MAGI3: variants seen among roughly 807,000 people sequenced by gnomAD.
The protein encoded by MAGI3 is membrane-associated guanylate kinase, WW and PDZ domain-containing protein 3.
In MAGI3, 43 loss-of-function variants were observed where a neutral mutation model predicts 121.8. That is an observed-to-expected ratio of 0.35 (90% CI 0.28 to 0.46). The LOEUF (loss-of-function observed/expected upper bound fraction) is 0.46, where lower values mean the gene tolerates loss of function less well. Ranked by LOEUF, MAGI3 falls within the 20% of genes least tolerant of loss-of-function variation. MAGI3 has a pLI of 1.00. For missense variants in MAGI3, 1,547 were observed against 1,797.3 expected, an observed-to-expected ratio of 0.86 and a Z score of 2.52; for synonymous variants, 553 against 639.3, an observed-to-expected ratio of 0.86 and a Z score of 2.04.
intron 1 of MAGI3, among the ~76,000 whole-genome samples, chr1:113,536,603 A>T (rs1659014718): frequency 6.6e-6 from 1 of 151,826 alleles, no homozygotes; most frequent in Non-Finnish European, 1.5e-5. Context: ...TAATTACTAA[A>T]TCTTCTTACT....
chr1:113,677,652 T>C (rs1176957277), intron 19 of MAGI3, among the ~76,000 whole-genome samples: 1 of 152,228 alleles, frequency 6.6e-6, no homozygotes, highest in Non-Finnish European at 1.5e-5. Context: ...CAAGACTGCC[T>C]ATAAAAAAAT....
At chr1:113,557,382 G>A (rs1406432728) in intron 2 of MAGI3, among the ~76,000 whole-genome samples, 1 of 152,214 alleles carries the variant, frequency 6.6e-6, no homozygotes, top group Non-Finnish European at 1.5e-5. Flanking sequence ...GCAGGCTTTG[G>A]AGAGTCCAAG....
chr1:113,682,772 C>A, intron 20 of MAGI3, 125 bp from the exon 21 acceptor site: 1 of 1,435,874 alleles, frequency 7.0e-7, no homozygotes, highest in Non-Finnish European at 9.1e-7. Context: ...CATATACAAA[C>A]TGTATAAAAT....
intron 1 of MAGI3, among the ~76,000 whole-genome samples, chr1:113,452,009 C>T (rs1654508091): frequency 6.6e-6 from 1 of 151,978 alleles, no homozygotes; most frequent in Non-Finnish European, 1.5e-5. Context: ...ATAAGTGCTG[C>T]TTACAGACAT....
At chr1:113,505,792 T>C (rs1422284271) in intron 1 of MAGI3, among the ~76,000 whole-genome samples, 1 of 152,088 alleles carries the variant, frequency 6.6e-6, no homozygotes, top group African/African-American at 2.4e-5. Flanking sequence ...AAGAAGACCT[T>C]GAGGCCTTGA....
intron 1 of MAGI3, among the ~76,000 whole-genome samples, chr1:113,542,960 A>G (rs907744101): frequency 6.6e-6 from 1 of 152,206 alleles, no homozygotes; most frequent in Non-Finnish European, 1.5e-5. Context: ...CTTCTTACCT[A>G]TAAAATGGGA....
chr1:113,402,705 A>G (rs745486856), intron 1 of MAGI3, among the ~76,000 whole-genome samples: 8 of 152,066 alleles, frequency 5.3e-5, no homozygotes, highest in Admixed American at 1.3e-4. Context: ...ATGAACTGTC[A>G]AGGATACCTT....
chr1:113,647,246 A>G (rs1652902140), intron 12 of MAGI3, among the ~76,000 whole-genome samples: 1 of 152,242 alleles, frequency 6.6e-6, no homozygotes, highest in Non-Finnish European at 1.5e-5. Flanking sequence ...TGGCAAGGAA[A>G]GTCACAGAGG....
At chr1:113,556,969 G>A (rs1240957308) in intron 2 of MAGI3, among the ~76,000 whole-genome samples, 4 of 152,184 alleles carry the variant, frequency 2.6e-5, no homozygotes, top group Non-Finnish European at 4.4e-5. Flanking sequence ...CACTCATGAA[G>A]AAATAGGTGA....
intron 9 of MAGI3, among the ~76,000 whole-genome samples, chr1:113,630,774 A>T (rs916432430): frequency 3.3e-5 from 5 of 151,776 alleles, no homozygotes; most frequent in African/African-American, 1.2e-4. Flanking sequence ...ATTTCTCCAT[A>T]CCAGGTGGCT....
At chr1:113,423,105 A>G (rs756042923) in intron 1 of MAGI3, among the ~76,000 whole-genome samples, 1 of 152,170 alleles carries the variant, frequency 6.6e-6, no homozygotes, top group Non-Finnish European at 1.5e-5. Flanking sequence ...TCCCACATCC[A>G]GGAAGAATGA....
At position 113,391,918 on chromosome 1, in the gene MAGI3, T is replaced by C. The variant is rs1650844190; in HGVS notation, c.316+569T>C. On this transcript the variant is annotated intron_variant, in intron 1 of 20. Transcript: ENST00000307546. This position sits in a 1 kb window ranked among gnomAD's most constrained non-coding sequence, Gnocchi z 4.4. ...TCTGAGTACCGATGACGGTACAATA[T>C]GTGATATGTGGCAGACTGGTGTGTT... Among the ~76,000 whole-genome samples the C allele has an allele frequency of 6.6e-6, 1 of 152,224 alleles. No individual in the cohort carries two copies. Among genetic ancestry groups the C allele is most frequent in the South Asian group, 2.1e-4 (1 of 4,832 alleles).
intron 1 of MAGI3, among the ~76,000 whole-genome samples, chr1:113,402,069 C>A (rs1651437844): frequency 6.6e-6 from 1 of 152,120 alleles, no homozygotes; most frequent in Non-Finnish European, 1.5e-5. Flanking sequence ...ATAGCATAAG[C>A]ATGGTAGAGC....
chr1:113,407,762 T>C (rs1423623780), intron 1 of MAGI3, among the ~76,000 whole-genome samples: 1 of 152,142 alleles, frequency 6.6e-6, no homozygotes, highest in Non-Finnish European at 1.5e-5. Context: ...AGGACTCTAA[T>C]TTGATTATAT....
chr1:113,599,032 T>C (rs1649199708), intron 6 of MAGI3, among the ~76,000 whole-genome samples: 2 of 152,226 alleles, frequency 1.3e-5, no homozygotes, highest in African/African-American at 2.4e-5. Context: ...GATTCTGGTA[T>C]GTTGTCTTTG....
At chr1:113,531,069 T>G (rs1658696509) in intron 1 of MAGI3, among the ~76,000 whole-genome samples, 1 of 152,194 alleles carries the variant, frequency 6.6e-6, no homozygotes, top group South Asian at 2.1e-4. Context: ...TTTTGAAACA[T>G]TACAAAATTA....
At chr1:113,681,502 T>C (rs186868872) in intron 20 of MAGI3, among the ~76,000 whole-genome samples, 166 bp downstream of exon 20, 24 of 152,338 alleles carry the variant, frequency 1.6e-4, no homozygotes, top group African/African-American at 5.3e-4. Flanking sequence ...TAAATAGTAT[T>C]AGAAAACAAG....
At chr1:113,435,368 G>T (rs1053873334) in intron 1 of MAGI3, among the ~76,000 whole-genome samples, 14 of 151,926 alleles carry the variant, frequency 9.2e-5, no homozygotes, top group African/African-American at 3.4e-4. Context: ...TTTCATTGTG[G>T]ATCACAATAC....
intron 2 of MAGI3, among the ~76,000 whole-genome samples, chr1:113,559,853 G>T (rs1202950515): frequency 1.3e-5 from 2 of 152,148 alleles, no homozygotes; most frequent in Non-Finnish European, 2.9e-5. Flanking sequence ...TTACAGGCAT[G>T]AGCCACTGTG....
Sources: gnomAD v4.1 joint callset for allele counts (sites outside exome capture counted in the v4.1 genomes callset) on GRCh38, gnomAD v4.1.1 for gene constraint, Gnocchi (gnomAD v3.1) non-coding constraint, MANE v1.5 for transcripts, NCBI Gene and HGNC (gene_info 2026-07-23, HGNC 2026-07-21) for gene names.